The following RUNX2 variants were observed in gnomAD, a reference collection of about 807,000 sequenced individuals.
RUNX2 encodes RUNX family transcription factor 2, also known as runt-related transcription factor 2.
RUNX2 carries 10 observed loss-of-function variants against 51.7 expected under a neutral mutation model. That is an observed-to-expected ratio of 0.19 (90% confidence interval 0.12 to 0.33). The LOEUF (loss-of-function observed/expected upper bound fraction) is 0.33. Among genes scored for constraint, RUNX2 ranks in the 10% least tolerant of loss-of-function variants. RUNX2 has a pLI of 1.00. For synonymous variants in RUNX2, 276 were observed against 273.6 expected (o/e 1.01, Z -0.09); for missense variants, 562 against 691.3 (o/e 0.81, Z 2.10).
At position 45,437,999 on chromosome 6, in the gene RUNX2, T is replaced by A; in HGVS notation, c.633T>A (p.Ala211=). The A allele has an allele frequency of 6.2e-7, 1 of 1,613,562 alleles. No individual in the cohort carries two copies. Among genetic ancestry groups the A allele is most frequent in the Non-Finnish European group, 8.5e-7 (1 of 1,179,576 alleles). The change falls in exon 5 of 9, where the codon GCT becomes GCA. Residue 211 remains alanine (A), a synonymous_variant. Coordinates refer to ENST00000647337, the MANE Select transcript of RUNX2 (RefSeq NM_001024630.4). ...ITVFTNPPQV[A]TYHRAIKVTV... Reference sequence around the variant, plus strand: ...TCTTCACAAATCCTCCCCAAGTAGCTACCTATCACAGAGCAATTAAAGTTA... The same window carrying A: ...TCTTCACAAATCCTCCCCAAGTAGCAACCTATCACAGAGCAATTAAAGTTA...
intron 5 of RUNX2, among the ~76,000 whole-genome samples, chr6:45,451,526 A>T (rs1407623673): frequency 6.6e-6 from 1 of 152,222 alleles, no homozygotes; most frequent in Admixed American, 6.5e-5. Context: ...GGCTTGTAAA[A>T]TTGAACCTAT....
intron 6 of RUNX2, among the ~76,000 whole-genome samples, chr6:45,495,592 G>A (rs879616829): frequency 1.3e-5 from 2 of 152,082 alleles, no homozygotes; most frequent in Non-Finnish European, 2.9e-5. Flanking sequence ...TAACAGGAAG[G>A]GCCCAGTTTC....
chr6:45,518,401 A>G (rs1484487766), intron 7 of RUNX2, among the ~76,000 whole-genome samples: 2 of 152,142 alleles, frequency 1.3e-5, no homozygotes, highest in East Asian at 1.9e-4. Context: ...AAAATAGCCT[A>G]TCTTTTGACA....
intron 2 of RUNX2, among the ~76,000 whole-genome samples, chr6:45,386,068 C>G (rs1485229662): frequency 7.4e-6 from 1 of 135,044 alleles, no homozygotes. Context: ...CTTATTAGTG[C>G]TTTTTTTTTT....
At chr6:45,476,289 A>G (rs1799953678) in intron 5 of RUNX2, among the ~76,000 whole-genome samples, 1 of 152,208 alleles carries the variant, frequency 6.6e-6, no homozygotes, top group Admixed American at 6.5e-5. Context: ...GGCAAATGGT[A>G]GGATAAGTGG....
At chr6:45,507,525 G>A (rs955293249) in intron 6 of RUNX2, among the ~76,000 whole-genome samples, 15 of 152,092 alleles carry the variant, frequency 9.9e-5, no homozygotes, top group African/African-American at 3.6e-4. Context: ...AAGCAAATAT[G>A]TTGTAATCAT....
At chr6:45,445,305 T>C (rs1268283774) in intron 5 of RUNX2, among the ~76,000 whole-genome samples, 1 of 152,152 alleles carries the variant, frequency 6.6e-6, no homozygotes, top group African/African-American at 2.4e-5. Flanking sequence ...ATTATAGGTG[T>C]GAGCCACCGC....
chr6:45,361,523 G>A (rs188408078), intron 2 of RUNX2: 228 of 152,166 alleles, frequency 1.5e-3, no homozygotes, highest in African/African-American at 5.3e-3. Flanking sequence ...TAAGAAGTTT[G>A]TTAAAATACC....
chr6:45,345,214 TATAA>T lies in RUNX2; in HGVS notation c.58+16436_58+16439del, dbSNP rs999361308. ...AAGATAAGCTATTACAATTTAGTAT[TATAA>T]ATAAAACTTCTGTTCACTTGATTGT... On this transcript the variant is annotated intron_variant, in intron 2 of 8. Transcript: ENST00000647337. Among the ~76,000 whole-genome samples the T allele has an allele frequency of 9.2e-5, 14 of 152,296 alleles. 1 individual carries two copies. The South Asian group carries it at 1.9e-3, about 20-fold the overall frequency.
chr6:45,330,294 C>T (rs1423119706), intron 2 of RUNX2, among the ~76,000 whole-genome samples: 1 of 151,846 alleles, frequency 6.6e-6, no homozygotes, highest in Non-Finnish European at 1.5e-5. Flanking sequence ...AGCTAGACTA[C>T]ATTACAACAC....
rs143436192 is a variant in RUNX2 at position 45,396,182 on chromosome 6, A to G, written c.59-26411A>G. ...ATTTTATAAAATGGAAATAGATTCC[A>G]TACTAATTCTCAGATATTACATAAA... On this transcript the variant is annotated intron_variant, in intron 2 of 8. Coordinates refer to ENST00000647337, the MANE Select transcript of RUNX2 (RefSeq NM_001024630.4). 2.2e-3 allele frequency among the ~76,000 whole-genome samples: 331 copies of G among 152,326 alleles called. 1 individual carries two copies. The highest frequency in any genetic ancestry group is 7.3e-3 in the African/African-American group (303 of 41,566).
At chr6:45,454,221 T>C (rs2150381914) in intron 5 of RUNX2, among the ~76,000 whole-genome samples, 1 of 152,362 alleles carries the variant, frequency 6.6e-6, no homozygotes, top group African/African-American at 2.4e-5. Flanking sequence ...CCACTCATTC[T>C]TGCTGAGGGT....
chr6:45,342,175 G>A (rs979893786), intron 2 of RUNX2, among the ~76,000 whole-genome samples: 1 of 151,936 alleles, frequency 6.6e-6, no homozygotes, highest in Non-Finnish European at 1.5e-5. Flanking sequence ...AATAGGAAAG[G>A]GTTTTTATTA....
At chr6:45,528,065 A>G (rs1382471935) in intron 7 of RUNX2, among the ~76,000 whole-genome samples, 1 of 152,136 alleles carries the variant, frequency 6.6e-6, no homozygotes, top group Non-Finnish European at 1.5e-5. Flanking sequence ...GAATGTGTAC[A>G]GGGGGCAGGG....
chr6:45,463,635 T>TA (rs545921354), intron 5 of RUNX2, among the ~76,000 whole-genome samples: 3 of 151,978 alleles, frequency 2.0e-5, no homozygotes, highest in Admixed American at 6.6e-5. Flanking sequence ...ATGCTTTTTT[T>TA]AAAAAAATGA....
chr6:45,523,836 G>A (rs961794452), intron 7 of RUNX2, among the ~76,000 whole-genome samples: 1 of 151,970 alleles, frequency 6.6e-6, no homozygotes, highest in Non-Finnish European at 1.5e-5. Context: ...GGAAGTTGAT[G>A]CAGGAGAATC....
intron 2 of RUNX2, chr6:45,421,720 C>A (rs1385697192): frequency 1.3e-5 from 2 of 152,264 alleles, no homozygotes; most frequent in Non-Finnish European, 2.9e-5. Flanking sequence ...CTGGGGCCGC[C>A]TCTAGGCTTC....
At position 45,334,624 on chromosome 6, in the gene RUNX2, C is replaced by T. The variant is rs146734546; in HGVS notation, c.58+5840C>T. ...TGTATTTTTACACCGAAACAAAATA[C>T]GTGTCATATATGTTCAACTTAAATT... On this transcript the variant is annotated intron_variant, in intron 2 of 8. Coordinates refer to ENST00000647337, the MANE Select transcript of RUNX2 (RefSeq NM_001024630.4). Among the ~76,000 whole-genome samples, 395 of 151,100 alleles carry T rather than the reference C, an allele frequency of 2.6e-3. 3 individuals are homozygous for T. Among genetic ancestry groups the T allele is most frequent in the African/African-American group, 8.7e-3 (359 of 41,426 alleles).
chr6:45,342,529 G>A (rs1210674604), intron 2 of RUNX2, among the ~76,000 whole-genome samples: 2 of 152,062 alleles, frequency 1.3e-5, no homozygotes, highest in Admixed American at 1.3e-4. Context: ...AAAGTGCTGC[G>A]ATTACACGCA....
Sources: gnomAD v4.1 joint callset for allele counts (sites outside exome capture counted in the v4.1 genomes callset) on GRCh38, gnomAD v4.1.1 for gene constraint, MANE v1.5 for transcripts, NCBI Gene and HGNC (gene_info 2026-07-23, HGNC 2026-07-21) for gene names.